LRMDA: variants seen among roughly 807,000 people sequenced by gnomAD.
LRMDA encodes leucine rich melanocyte differentiation associated, also known as leucine-rich melanocyte differentiation-associated protein.
LRMDA carries 18 observed loss-of-function variants against 29.8 expected under a neutral mutation model. That is an observed-to-expected ratio of 0.60 (90% CI 0.42 to 0.90). The LOEUF (loss-of-function observed/expected upper bound fraction) is 0.90, where lower values mean the gene tolerates loss of function less well. Among genes scored for constraint, LRMDA ranks in the 40% least tolerant of loss-of-function variants. The pLI, the probability that LRMDA is intolerant of heterozygous loss-of-function variation, is 0.00. For synonymous variants in LRMDA, 125 were observed against 109.4 expected, an observed-to-expected ratio of 1.14 and a Z score of -0.89; for missense variants, 273 against 273.9, an observed-to-expected ratio of 1.00 and a Z score of 0.02.
chr10:76,071,222 T>C (rs1166137115), intron 5 of LRMDA, among the ~76,000 whole-genome samples: 1 of 152,118 alleles, frequency 6.6e-6, no homozygotes, highest in African/African-American at 2.4e-5. Flanking sequence ...GGAATGAAAT[T>C]TGGGAGCTTG....
chr10:75,627,712 A>G (rs1240224424), intron 2 of LRMDA, among the ~76,000 whole-genome samples: 1 of 152,186 alleles, frequency 6.6e-6, no homozygotes, highest in Non-Finnish European at 1.5e-5. Flanking sequence ...CTACCACAGG[A>G]GAAGAAAATC....
chr10:75,531,113 A>G (rs1421180377), intron 2 of LRMDA, among the ~76,000 whole-genome samples: 1 of 152,136 alleles, frequency 6.6e-6, no homozygotes, highest in Non-Finnish European at 1.5e-5. Context: ...TGTGCCAGGC[A>G]CTGTGCTGGT....
At chr10:75,611,778 G>A (rs879476279) in intron 2 of LRMDA, among the ~76,000 whole-genome samples, 1 of 152,220 alleles carries the variant, frequency 6.6e-6, no homozygotes, top group Non-Finnish European at 1.5e-5. Flanking sequence ...GGCAAGCACA[G>A]TATAGGTTGG....
chr10:76,376,776 A>G (rs570717937), intron 6 of LRMDA, among the ~76,000 whole-genome samples: 18 of 142,212 alleles, frequency 1.3e-4, no homozygotes, highest in Non-Finnish European at 2.3e-4. Flanking sequence ...CTGGTATATG[A>G]TGGCATCTCA....
intron 3 of LRMDA, among the ~76,000 whole-genome samples, chr10:76,036,426 A>G (rs569684503): frequency 1.9e-3 from 283 of 152,334 alleles, no homozygotes; most frequent in Non-Finnish European, 3.4e-3. Context: ...TCTTTTTAAT[A>G]GATAAAAATA....
chr10:76,216,390 C>T (rs1359719921), intron 5 of LRMDA, among the ~76,000 whole-genome samples: 1 of 152,046 alleles, frequency 6.6e-6, no homozygotes, highest in Admixed American at 6.6e-5. Flanking sequence ...TGAAAAGGCA[C>T]ATTGTAAAGT....
chr10:76,219,150 C>A (rs182142058), intron 5 of LRMDA, among the ~76,000 whole-genome samples: 1 of 152,154 alleles, frequency 6.6e-6, no homozygotes, highest in African/African-American at 2.4e-5. Flanking sequence ...GTACCAGCCA[C>A]GGCAAAATCA....
chr10:76,207,163 T>G (rs1322262108), intron 5 of LRMDA, among the ~76,000 whole-genome samples: 1 of 141,874 alleles, frequency 7.0e-6, no homozygotes, highest in Admixed American at 7.0e-5. Context: ...GGGAAACCCA[T>G]GAAGGTGCTA....
chr10:76,308,718 C>G (rs563844460), intron 5 of LRMDA, among the ~76,000 whole-genome samples: 1 of 152,298 alleles, frequency 6.6e-6, no homozygotes, highest in South Asian at 2.1e-4. Context: ...TTCTTCTCCT[C>G]AAAACCTCTC....
At chr10:75,708,539 T>C (rs1842397131) in intron 2 of LRMDA, among the ~76,000 whole-genome samples, 1 of 152,046 alleles carries the variant, frequency 6.6e-6, no homozygotes, top group Non-Finnish European at 1.5e-5. Context: ...ACTGAGAAAA[T>C]GGAGTGCATG....
intron 2 of LRMDA, among the ~76,000 whole-genome samples, chr10:75,818,204 G>T (rs1041248977): frequency 6.6e-6 from 1 of 152,216 alleles, no homozygotes; most frequent in Non-Finnish European, 1.5e-5. Flanking sequence ...GAGTTAGAGA[G>T]GAAGGCAGGC....
At chr10:76,204,006 C>T (rs529581185) in intron 5 of LRMDA, among the ~76,000 whole-genome samples, 19 of 150,632 alleles carry the variant, frequency 1.3e-4, no homozygotes, top group Non-Finnish European at 2.5e-4. Context: ...GCCCATCCAC[C>T]CATCTCTATT....
intron 2 of LRMDA, among the ~76,000 whole-genome samples, chr10:75,551,947 A>G (rs1452139644): frequency 6.6e-6 from 1 of 151,896 alleles, no homozygotes; most frequent in Non-Finnish European, 1.5e-5. Context: ...GTAGACTGAG[A>G]TAGGAGGATT....
At chr10:76,260,185 G>A (rs1839915492) in intron 5 of LRMDA, among the ~76,000 whole-genome samples, 1 of 151,832 alleles carries the variant, frequency 6.6e-6, no homozygotes, top group South Asian at 2.1e-4. Flanking sequence ...TTTAATTTTG[G>A]ACTTAGATGT....
chr10:76,363,170 AAAGAAAGG>A (rs1264354962), intron 6 of LRMDA, among the ~76,000 whole-genome samples: 270 of 19,962 alleles, frequency 0.014, 5 homozygotes, highest in Non-Finnish European at 0.018. Context: ...AGAAAGAAAG[AAAGAAAGG>A]AGGGAGGGAG....
At chr10:75,893,003 C>T (rs1285452820) in intron 2 of LRMDA, among the ~76,000 whole-genome samples, 3 of 152,142 alleles carry the variant, frequency 2.0e-5, no homozygotes, top group South Asian at 4.1e-4. Context: ...AAAATTAAGC[C>T]ACCACTGCAT....
At chr10:76,538,773 C>T (rs1843320659) in intron 6 of LRMDA, among the ~76,000 whole-genome samples, 1 of 152,026 alleles carries the variant, frequency 6.6e-6, no homozygotes, top group Non-Finnish European at 1.5e-5. Flanking sequence ...CCTCTTCCCT[C>T]CCTGAGGCAG....
At chr10:75,563,562 G>A (rs901746252) in intron 2 of LRMDA, among the ~76,000 whole-genome samples, 1 of 152,112 alleles carries the variant, frequency 6.6e-6, no homozygotes, top group Non-Finnish European at 1.5e-5. Flanking sequence ...GCTTTGTTCC[G>A]TTGCTGGTGA....
At chr10:76,124,042 C>G (rs1849835652) in intron 5 of LRMDA, among the ~76,000 whole-genome samples, 1 of 152,192 alleles carries the variant, frequency 6.6e-6, no homozygotes. Flanking sequence ...TTGCTTTCTT[C>G]TACCTTGTCT....
Sources: gnomAD v4.1 joint callset for allele counts (sites outside exome capture counted in the v4.1 genomes callset) on GRCh38, gnomAD v4.1.1 for gene constraint, MANE v1.5 for transcripts, NCBI Gene and HGNC (gene_info 2026-07-23, HGNC 2026-07-21) for gene names.